The following PHLPP1 variants were observed in gnomAD, a reference collection of about 807,000 sequenced individuals.
PHLPP1 encodes the protein PH domain leucine-rich repeat-containing protein phosphatase 1.
PHLPP1 carries 42 observed loss-of-function variants against 117.2 expected under a neutral mutation model. The observed-to-expected ratio is 0.36, with a 90% CI of 0.28 to 0.46. PHLPP1 has a LOEUF of 0.46. PHLPP1 is among the 20% of genes least tolerant of loss of function. The pLI is 1.00. For synonymous variants in PHLPP1, 1,042 were observed against 970.7 expected (o/e 1.07, Z -1.37); for missense variants, 2,084 against 2,241.9 (o/e 0.93, Z 1.42).
rs754951223 is a variant in PHLPP1, at chr18:62,972,534, C to T, written c.3581C>T (p.Ser1194Leu). ...TGCAGGTTGTGTGTCGCAGCCCTGT[C>T]GGTGAATAACTTCTGTGACAACCGC... The part of the protein sequence containing the change: ...VKNKLCVAAL[S>L]VNNFCDNREA... Residue 1194 changes from serine to leucine, a missense_variant, in exon 15 of 17, where the codon TCG (serine) becomes TTG (leucine). Transcript: ENST00000262719. 19 of 1,612,662 alleles carry T rather than the reference C, an allele frequency of 1.2e-5. No individual in the cohort carries two copies. The highest frequency in any genetic ancestry group is 1.4e-5 in the Non-Finnish European group (17 of 1,179,802).
chr18:62,902,680 C>T (rs1404606346), intron 6 of PHLPP1, among the ~76,000 whole-genome samples: 1 of 152,142 alleles, frequency 6.6e-6, no homozygotes, highest in Non-Finnish European at 1.5e-5. Context: ...TTTTTTCCCT[C>T]TTGAAGTGAA....
At chr18:62,736,260 A>G (rs1045990000) in intron 1 of PHLPP1, among the ~76,000 whole-genome samples, 3 of 152,116 alleles carry the variant, frequency 2.0e-5, no homozygotes, top group Non-Finnish European at 4.4e-5. Context: ...CTCAGGCCCC[A>G]CCTCAGACTT....
intron 11 of PHLPP1, among the ~76,000 whole-genome samples, chr18:62,942,128 A>G (rs1910147910): frequency 6.6e-6 from 1 of 152,248 alleles, no homozygotes; most frequent in Non-Finnish European, 1.5e-5. Context: ...AGACCTAATC[A>G]CAAGAATGTT....
intron 8 of PHLPP1, chr18:62,906,512 G>C (rs1916853017): frequency 7.0e-6 from 1 of 143,138 alleles, no homozygotes; most frequent in Non-Finnish European, 1.5e-5. Context: ...AGGGGTCAGG[G>C]AGTTCCCTTT....
chr18:62,744,448 G>C (rs10432260), intron 1 of PHLPP1, among the ~76,000 whole-genome samples: 49,167 of 152,194 alleles, frequency 0.32, 9,777 homozygotes, highest in Non-Finnish European at 0.45. Context: ...TCAGAGAGTG[G>C]TCAGAGTGCC....
intron 1 of PHLPP1, among the ~76,000 whole-genome samples, chr18:62,802,067 G>A (rs960458777): frequency 2.0e-5 from 3 of 152,022 alleles, no homozygotes; most frequent in African/African-American, 4.8e-5. Context: ...GCCAGAATGT[G>A]TGTATGTGAG....
chr18:62,935,451 A>C (rs1039256902), intron 10 of PHLPP1, among the ~76,000 whole-genome samples: 39 of 152,244 alleles, frequency 2.6e-4, no homozygotes, highest in African/African-American at 9.2e-4. Flanking sequence ...TTTGTAGATT[A>C]CTTTGCAAAT....
Position 62,838,764 on chromosome 18 carries a change from C to T in PHLPP1, c.1774-20C>T, listed in dbSNP as rs1599075174. 1.6e-6 allele frequency: 2 copies of T among 1,217,108 alleles called. No homozygotes were observed. Among genetic ancestry groups the T allele is most frequent in the South Asian group, 1.3e-5 (1 of 74,784 alleles). The allele number at this position is 1,217,108 out of a possible 1,614,324, so 75.4% of individuals were successfully genotyped here. ...TCTGCTGTCTGACTTGTTTCTGCTTCTCTCTGTTTGCTTTTATAGGTAGAA... is the reference window on the plus strand; with the variant it reads ...TCTGCTGTCTGACTTGTTTCTGCTTTTCTCTGTTTGCTTTTATAGGTAGAA... On this transcript the variant is annotated intron_variant, in intron 2 of 16. Transcript: ENST00000262719.
chr18:62,881,088 TTAAGA>T (rs1916163541), intron 4 of PHLPP1, among the ~76,000 whole-genome samples: 1 of 152,176 alleles, frequency 6.6e-6, no homozygotes, highest in Non-Finnish European at 1.5e-5. Context: ...AAAAGAGGAA[TTAAGA>T]TGAGTTTTCT....
intron 14 of PHLPP1, among the ~76,000 whole-genome samples, chr18:62,968,046 CT>C (rs1341725536): frequency 6.6e-6 from 1 of 152,192 alleles, no homozygotes; most frequent in Non-Finnish European, 1.5e-5. Flanking sequence ...TGGTCTCTAA[CT>C]CCTGACCTCA....
intron 3 of PHLPP1, among the ~76,000 whole-genome samples, chr18:62,845,702 T>G (rs950004624): frequency 1.3e-5 from 2 of 152,192 alleles, no homozygotes; most frequent in African/African-American, 4.8e-5. Flanking sequence ...TCAGGAAGTC[T>G]GCTGCCTTTT....
intron 1 of PHLPP1, among the ~76,000 whole-genome samples, chr18:62,756,786 A>G (rs921033687): frequency 2.0e-5 from 3 of 152,128 alleles, no homozygotes; most frequent in Non-Finnish European, 4.4e-5. Flanking sequence ...AGTTACCATG[A>G]TTGGTTTAGA....
chr18:62,957,632 T>A (rs1392965973), intron 12 of PHLPP1, among the ~76,000 whole-genome samples: 1 of 151,900 alleles, frequency 6.6e-6, no homozygotes, highest in African/African-American at 2.4e-5. Context: ...TTTTGTTTTG[T>A]TTTTTTTGAG....
At chr18:62,836,782 G>A (rs1003080374) in intron 2 of PHLPP1, among the ~76,000 whole-genome samples, 2 of 151,586 alleles carry the variant, frequency 1.3e-5, no homozygotes, top group African/African-American at 4.8e-5. Context: ...GGCTATATAG[G>A]GGCCAGGCGT....
rs1244909818 is a variant in PHLPP1, at chr18:62,716,707, C to T, written c.1024C>T (p.Pro342Ser). The T allele has an allele frequency of 4.4e-5, 66 of 1,492,924 alleles. No individual in the cohort carries two copies. The highest frequency in any genetic ancestry group is 4.3e-5 in the Admixed American group (2 of 46,334). 92.5% of individuals were successfully genotyped at this position (1,492,924 alleles called of 1,614,324 possible). A position where few individuals can be genotyped will look rare whatever the true frequency, so the allele number is the denominator to read the frequency against. ...TGTCTCTTCGCCCCGCGCCCCACGG[C>T]CTGTGGTCTCCGACACCGAGAGCTT... Reference protein sequence around the residue: ...GPVSSPRAPRPVVSDTESFSL... With the variant: ...GPVSSPRAPRSVVSDTESFSL... Residue 342 changes from proline (P) to serine (S), a missense_variant, in exon 1 of 17, where the codon CCT becomes TCT. Around this residue, in one of 2 missense-constraint regions of PHLPP1, gnomAD observed 719 missense variants for 636.0 expected, o/e 1.13. Coordinates refer to ENST00000262719, the MANE Select transcript of PHLPP1 (RefSeq NM_194449.4). This position sits in a 1 kb window ranked among gnomAD's most constrained non-coding sequence, Gnocchi z 5.7.
intron 14 of PHLPP1, among the ~76,000 whole-genome samples, chr18:62,964,073 C>T (rs531491661): frequency 3.9e-5 from 6 of 152,164 alleles, no homozygotes; most frequent in South Asian, 2.1e-4. Context: ...TGTAACCAGG[C>T]TTTTCAGGCT....
chr18:62,772,111 CTT>C (rs1466201621), intron 1 of PHLPP1, among the ~76,000 whole-genome samples: 1 of 152,208 alleles, frequency 6.6e-6, no homozygotes, highest in Non-Finnish European at 1.5e-5. Context: ...TGTCACTTCT[CTT>C]TGCCATTGTG....
At chr18:62,725,299 G>A (rs1387165064) in intron 1 of PHLPP1, among the ~76,000 whole-genome samples, 1 of 150,712 alleles carries the variant, frequency 6.6e-6, no homozygotes, top group Non-Finnish European at 1.5e-5. Context: ...GGCAGAGGTT[G>A]CAGTGAGCCA....
intron 10 of PHLPP1, among the ~76,000 whole-genome samples, chr18:62,928,307 C>G (rs575750638): frequency 1.3e-5 from 2 of 149,942 alleles, no homozygotes; most frequent in Non-Finnish European, 3.0e-5. Flanking sequence ...AGAACTCTTA[C>G]AATTCACAAT....
Sources: allele counts gnomAD v4.1 joint callset (sites outside exome capture counted in the v4.1 genomes callset), GRCh38; gene constraint gnomAD v4.1.1; regional missense constraint gnomAD v4.1.1; non-coding constraint Gnocchi (gnomAD v3.1); transcripts MANE v1.5; gene names NCBI Gene and HGNC (gene_info 2026-07-23, HGNC 2026-07-21).